Variants in SNX24 observed in about 807,000 individuals in gnomAD.
SNX24 encodes sorting nexin-24.
A neutral mutation model predicts 28.7 loss-of-function variants in SNX24; 22 were observed. The ratio of observed to expected loss-of-function variants is 0.77; its 90% CI spans 0.55 to 1.10. The LOEUF (loss-of-function observed/expected upper bound fraction) is 1.10, where lower values mean the gene tolerates loss of function less well. SNX24 is among the 50% of genes least tolerant of loss of function. SNX24 has a pLI of 0.00. For missense variants in SNX24, 221 were observed against 201.1 expected (o/e 1.10, Z -0.60); for synonymous variants, 69 against 71.5 (o/e 0.96, Z 0.18).
intron 3 of SNX24, among the ~76,000 whole-genome samples, chr5:122,985,795 T>C (rs1761580152): frequency 6.6e-6 from 1 of 152,226 alleles, no homozygotes; most frequent in Admixed American, 6.5e-5. Flanking sequence ...AAAGTTCGCT[T>C]TCTCACTATT....
intron 1 of SNX24, among the ~76,000 whole-genome samples, chr5:122,864,630 G>T (rs1357665858): frequency 3.3e-5 from 5 of 152,208 alleles, no homozygotes; most frequent in Admixed American, 3.3e-4. Context: ...GGGAGTCAAA[G>T]CTGTTTTCTT....
chr5:122,890,673 G>C (rs561038096), intron 1 of SNX24, among the ~76,000 whole-genome samples: 2 of 152,126 alleles, frequency 1.3e-5, no homozygotes, highest in African/African-American at 2.4e-5. Context: ...GTTTCACCCT[G>C]TTGGCCAGGC....
At chr5:122,957,544 T>C (rs1760266186) in intron 3 of SNX24, among the ~76,000 whole-genome samples, 1 of 152,208 alleles carries the variant, frequency 6.6e-6, no homozygotes, top group African/African-American at 2.4e-5. Context: ...ATTTTTATAT[T>C]TCTGCAAAAA....
chr5:122,988,690 A>T (rs1239582620), intron 3 of SNX24, among the ~76,000 whole-genome samples: 1 of 152,184 alleles, frequency 6.6e-6, no homozygotes, highest in Non-Finnish European at 1.5e-5. Flanking sequence ...TGATTTGTTT[A>T]AAAGACCAAA....
At chr5:122,925,452 A>G (rs1220383652) in intron 1 of SNX24, among the ~76,000 whole-genome samples, 1 of 151,536 alleles carries the variant, frequency 6.6e-6, no homozygotes, top group African/African-American at 2.4e-5. Context: ...ATTTGTAGAA[A>G]TGAGATCTCC....
At chr5:122,912,782 G>A (rs1757949899) in intron 1 of SNX24, among the ~76,000 whole-genome samples, 1 of 151,124 alleles carries the variant, frequency 6.6e-6, no homozygotes, top group Non-Finnish European at 1.5e-5. Flanking sequence ...TTCTAGCAGA[G>A]GGGGATTTGG....
intron 1 of SNX24, among the ~76,000 whole-genome samples, chr5:122,880,558 A>C (rs1231990279): frequency 6.6e-6 from 1 of 152,164 alleles, no homozygotes; most frequent in Non-Finnish European, 1.5e-5. Context: ...ACTGAGTGCA[A>C]AGTTGATTGT....
chr5:122,861,127 G>A (rs1755440831), intron 1 of SNX24, among the ~76,000 whole-genome samples: 1 of 151,898 alleles, frequency 6.6e-6, no homozygotes, highest in Non-Finnish European at 1.5e-5. Flanking sequence ...ATCACTTGAG[G>A]TCAGGAGTTT....
chr5:123,016,580 A>T (rs139974079), intron 5 of SNX24, among the ~76,000 whole-genome samples: 43 of 152,320 alleles, frequency 2.8e-4, no homozygotes, highest in African/African-American at 9.6e-4. Flanking sequence ...TCAGGATTTG[A>T]AGCAGAGAGA....
intron 1 of SNX24, among the ~76,000 whole-genome samples, chr5:122,861,861 C>A (rs1755473824): frequency 6.6e-6 from 1 of 152,144 alleles, no homozygotes; most frequent in African/African-American, 2.4e-5. Context: ...GTTTTATAAA[C>A]TGTAAGCTTC....
chr5:122,912,807 G>A (rs1757951521), intron 1 of SNX24, among the ~76,000 whole-genome samples: 1 of 151,336 alleles, frequency 6.6e-6, no homozygotes, highest in South Asian at 2.1e-4. Context: ...GTCTAGGACA[G>A]TAGTGGAGGG....
chr5:122,885,764 C>A (rs149888572), intron 1 of SNX24, among the ~76,000 whole-genome samples: 1 of 152,200 alleles, frequency 6.6e-6, no homozygotes, highest in East Asian at 1.9e-4. Context: ...AAAATAAGAG[C>A]AAAGGTACTG....
intron 1 of SNX24, among the ~76,000 whole-genome samples, chr5:122,927,125 C>A (rs764264765): frequency 6.6e-6 from 1 of 152,162 alleles, no homozygotes; most frequent in Admixed American, 6.5e-5. Flanking sequence ...TTAATCCTTG[C>A]AACAAACCTA....
intron 1 of SNX24, among the ~76,000 whole-genome samples, chr5:122,867,868 C>A (rs941621251): frequency 6.6e-6 from 1 of 152,158 alleles, no homozygotes; most frequent in African/African-American, 2.4e-5. Flanking sequence ...CTTCCAAGTC[C>A]CTGACCATCC....
At chr5:123,017,423 A>C (rs886650621) in intron 5 of SNX24, among the ~76,000 whole-genome samples, 1 of 141,968 alleles carries the variant, frequency 7.0e-6, no homozygotes, top group East Asian at 1.9e-4. Context: ...AGAAAATAAA[A>C]AGTTGTTTTT....
Position 122,879,127 on chromosome 5 carries a change from G to A in SNX24, c.60+33434G>A, listed in dbSNP as rs181080120. 5.3e-5 allele frequency among the ~76,000 whole-genome samples: 8 copies of A among 152,214 alleles called. No individual in the cohort carries two copies. In the East Asian group the frequency reaches 1.2e-3, roughly 22 times the overall value. On this transcript the variant is annotated intron_variant, in intron 1 of 6. Transcript: ENST00000261369. ...AGTATTATTCTAACATGTAATCTGT[G>A]TAAACATTATTAATGAGACCACTTG...
At chr5:122,896,712 G>A (rs148162707) in intron 1 of SNX24, among the ~76,000 whole-genome samples, 1 of 152,178 alleles carries the variant, frequency 6.6e-6, no homozygotes, top group African/African-American at 2.4e-5. Flanking sequence ...AGGAAAAAAA[G>A]TCTTATAAGT....
chr5:122,849,072 T>C (rs1259885141), intron 1 of SNX24, among the ~76,000 whole-genome samples: 2 of 152,216 alleles, frequency 1.3e-5, no homozygotes, highest in Non-Finnish European at 2.9e-5. Flanking sequence ...CAGGAAATCC[T>C]TGGACATGAT....
chr5:122,951,287 A>AAT (rs1475737762), intron 3 of SNX24, among the ~76,000 whole-genome samples: 5 of 150,582 alleles, frequency 3.3e-5, no homozygotes, highest in Admixed American at 6.6e-5. Flanking sequence ...AAAAAAGAAA[A>AAT]AGAAAAGAAA....
Sources: allele counts gnomAD v4.1 joint callset (sites outside exome capture counted in the v4.1 genomes callset), GRCh38; gene constraint gnomAD v4.1.1; transcripts MANE v1.5; gene names NCBI Gene and HGNC (gene_info 2026-07-23, HGNC 2026-07-21).